The following ZNF286A variants were observed in gnomAD, a reference collection of about 807,000 sequenced individuals.
ZNF286A encodes zinc finger protein 286A.
A neutral mutation model predicts 49.3 loss-of-function variants in ZNF286A; 34 were observed. The observed-to-expected ratio is 0.69, with a 90% confidence interval of 0.52 to 0.92. The LOEUF is 0.92. Among genes scored for constraint, ZNF286A ranks in the 40% least tolerant of loss-of-function variants. The probability of loss-of-function intolerance (pLI) is 0.00; values close to 1 mark genes in which losing one functional copy is unlikely to be tolerated. For synonymous variants in ZNF286A, 155 were observed against 200.4 expected, an observed-to-expected ratio of 0.77 and a Z score of 1.91; for missense variants, 462 against 600.2, an observed-to-expected ratio of 0.77 and a Z score of 2.41.
chr17:15,716,591 C>T lies in ZNF286A; in HGVS notation c.867C>T (p.His289=). ...SFSHRANLTK[H]QRTHTRILFE... is the part of the protein sequence containing the mutation. ...GCCACAGAGCTAATTTAACTAAACA[C>T]CAGAGAACTCATACTAGAATTCTCT... The change falls in exon 6 of 6, where the codon CAC becomes CAT. Residue 289 remains histidine, a synonymous_variant. Transcript: ENST00000583566. 1 of 1,613,974 alleles carries T rather than the reference C, an allele frequency of 6.2e-7. No homozygotes were observed. The highest frequency in any genetic ancestry group is 8.5e-7 in the Non-Finnish European group (1 of 1,179,984).
rs758695730 is a variant in ZNF286A at position 15,706,511 on chromosome 17, G to T, written c.241+10G>T. 6.3e-7 allele frequency: 1 copy of T among 1,579,510 alleles called. No individual in the cohort carries two copies. The highest frequency in any genetic ancestry group is 1.1e-5 in the South Asian group (1 of 87,010). ...AACCTAGTCTCACTTTGTAAGAATGGATTGTGATTCTGGAATCTGCTTATA... is the reference window on the plus strand; with the variant it reads ...AACCTAGTCTCACTTTGTAAGAATGTATTGTGATTCTGGAATCTGCTTATA... On this transcript the variant is annotated intron_variant, in intron 4 of 5. Transcript: ENST00000583566.
chr17:15,707,842 T>G (rs1210966745), intron 4 of ZNF286A, among the ~76,000 whole-genome samples: 1 of 152,068 alleles, frequency 6.6e-6, no homozygotes, highest in East Asian at 1.9e-4. Flanking sequence ...TACAAATAAC[T>G]AAGTCCAGCA....
At chr17:15,703,085 A>G (rs1361276487) in intron 3 of ZNF286A, among the ~76,000 whole-genome samples, 10 of 152,126 alleles carry the variant, frequency 6.6e-5, no homozygotes, top group Non-Finnish European at 2.9e-5. Context: ...ATATTGGCCA[A>G]ATTTAAGTGT....
rs941188962 is a variant in ZNF286A at position 15,720,764 on chromosome 17, T to C, written c.*3474T>C. Reference sequence around the variant, plus strand: ...TTATTGGCTCACTTGTCAATAAAGATGTTTGTATATGTATTGTCAGAAACT... The same window carrying C: ...TTATTGGCTCACTTGTCAATAAAGACGTTTGTATATGTATTGTCAGAAACT... On this transcript the variant is annotated 3_prime_UTR_variant, in exon 6 of 6. Transcript: ENST00000583566. 2.6e-5 allele frequency: 4 copies of C among 152,186 alleles called. No individual in the cohort carries two copies. The highest frequency in any genetic ancestry group is 4.4e-5 in the Non-Finnish European group (3 of 68,042). 9.4% of individuals were successfully genotyped at this position (152,186 alleles called of 1,614,324 possible).
rs549356741 is a variant in ZNF286A at position 15,709,988 on chromosome 17, C to G, written c.334+1741C>G. 144 of 1,428,332 alleles carry G rather than the reference C, an allele frequency of 1.0e-4. 1 individual carries two copies. The East Asian group carries it at 2.5e-3, about 25-fold the overall frequency. The allele number at this position is 1,428,332 out of a possible 1,614,324, so 88.5% of individuals were successfully genotyped here. ...TTAATTTTTGTCAATCTGACGGATG[C>G]AAAATGATGTTTTAAAATTTTCATT... On this transcript the variant is annotated intron_variant, in intron 5 of 5. Transcript: ENST00000583566.
intron 3 of ZNF286A, among the ~76,000 whole-genome samples, chr17:15,702,174 G>T (rs1385050197): frequency 3.3e-5 from 5 of 151,358 alleles, no homozygotes; most frequent in Non-Finnish European, 5.9e-5. Context: ...CTATATCAGT[G>T]ATTATTGCAT....
intron 5 of ZNF286A, chr17:15,709,950 G>A (rs1990533260): frequency 3.4e-6 from 5 of 1,492,170 alleles, no homozygotes; most frequent in Non-Finnish European, 3.6e-6. Context: ...CAACAGTTGA[G>A]TTATCAGACT....
intron 3 of ZNF286A, chr17:15,704,932 G>GC: frequency 6.4e-7 from 1 of 1,554,954 alleles, no homozygotes; most frequent in Non-Finnish European, 8.7e-7. Flanking sequence ...GGTCCCCCCG[G>GC]CCCCCTTCCT....
In ZNF286A at chr17:15,706,388, A is replaced by T. The variant is rs767343911; in HGVS notation, c.128A>T (p.Glu43Val). 2 of 1,612,856 alleles carry T rather than the reference A, an allele frequency of 1.2e-6. No individual in the cohort carries two copies. The highest frequency in any genetic ancestry group is 4.5e-5 in the East Asian group (2 of 44,864). ...AALRLTARSQETVTFKDVAMD... is the reference protein window; with the variant it reads ...AALRLTARSQVTVTFKDVAMD... The stretch of plus-strand genomic sequence containing the variant: ...TGAAAAAAATATTTTATGTTTTAGG[A>T]AACAGTGACATTCAAGGATGTGGCC... Residue 43 changes from glutamate (E) to valine (V), a missense_variant and splice_region_variant, in exon 4 of 6, where the codon GAA becomes GTA. Around this residue, in one of 3 missense-constraint regions of ZNF286A, gnomAD observed 259 missense variants for 272.2 expected, o/e 0.95. Transcript: ENST00000583566.
chr17:15,704,857 A>G, intron 3 of ZNF286A: 1 of 1,612,520 alleles, frequency 6.2e-7, no homozygotes, highest in Non-Finnish European at 8.5e-7. Context: ...CTTGTACACC[A>G]GGCGGATGAT....
chr17:15,712,531 T>G (rs1450192587), intron 5 of ZNF286A, among the ~76,000 whole-genome samples: 1 of 152,268 alleles, frequency 6.6e-6, no homozygotes, highest in African/African-American at 2.4e-5. Context: ...ATTGTTTTAA[T>G]GGTACTTACT....
Position 15,704,925 on chromosome 17 carries a change from C to G in ZNF286A, c.127-1462C>G, listed in dbSNP as rs1597710548. 4.7e-6 allele frequency: 7 copies of G among 1,477,232 alleles called. No homozygotes were observed. In the Middle Eastern group the frequency reaches 9.5e-4, roughly 200 times the overall value. The allele number at this position is 1,477,232 out of a possible 1,614,324, so 91.5% of individuals were successfully genotyped here. A position where few individuals can be genotyped will look rare whatever the true frequency, so the allele number is the denominator to read the frequency against. ...TGGCTGCGGCCGGCCGGGGGCGGGT[C>G]CCCCCGGCCCCCTTCCTGCGTTCTT... On this transcript the variant is annotated intron_variant, in intron 3 of 5. Coordinates refer to ENST00000583566, the MANE Select transcript of ZNF286A (RefSeq NM_001130842.2).
rs761425980 is a variant in ZNF286A at position 15,708,228 on chromosome 17, C to T, written c.315C>T (p.Ala105=). 3 of 1,588,436 alleles carry T rather than the reference C, an allele frequency of 1.9e-6. No homozygotes were observed. The South Asian group carries it at 3.4e-5, about 18-fold the overall frequency. ...AACCATTGAAGCTTGAGAGAAAAGCCCCCAAAAGCAGCTATTCAGGTGAGC... is the reference window on the plus strand; with the variant it reads ...AACCATTGAAGCTTGAGAGAAAAGCTCCCAAAAGCAGCTATTCAGGTGAGC... The part of the protein sequence containing the change: ...GKEPLKLERK[A]PKSSYSDMET... Residue 105 remains alanine (A), a synonymous_variant, in exon 5 of 6, where the codon GCC becomes GCT. Coordinates refer to ENST00000583566, the MANE Select transcript of ZNF286A (RefSeq NM_001130842.2).
At chr17:15,703,177 A>G (rs1193211808) in intron 3 of ZNF286A, among the ~76,000 whole-genome samples, 4 of 152,222 alleles carry the variant, frequency 2.6e-5, no homozygotes, top group Non-Finnish European at 5.9e-5. Context: ...TGAATCAGAG[A>G]TGGCGTCAGT....
Position 15,718,265 on chromosome 17 carries a change from C to G in ZNF286A, c.*975C>G, listed in dbSNP as rs1380502681. Reference sequence around the variant, plus strand: ...ATTGATTTATGTCATTGTTATCCCTCTACCGCGGAGACCTTCTTTCATTTT... The same window carrying G: ...ATTGATTTATGTCATTGTTATCCCTGTACCGCGGAGACCTTCTTTCATTTT... On this transcript the variant is annotated 3_prime_UTR_variant, in exon 6 of 6. Coordinates refer to ENST00000583566, the MANE Select transcript of ZNF286A (RefSeq NM_001130842.2). 2 of 151,202 alleles carry G rather than the reference C, an allele frequency of 1.3e-5. No individual in the cohort carries two copies. The highest frequency in any genetic ancestry group is 4.9e-5 in the African/African-American group (2 of 41,002). 9.4% of individuals were successfully genotyped at this position (151,202 alleles called of 1,614,324 possible).
chr17:15,717,165 C>G lies in ZNF286A; in HGVS notation c.1441C>G (p.Leu481Val). The G allele has an allele frequency of 1.9e-6, 3 of 1,610,382 alleles. No homozygotes were observed. Among genetic ancestry groups the G allele is most frequent in the Non-Finnish European group, 2.5e-6 (3 of 1,178,302 alleles). ...AAAAGCCTTCATTCATTCATCAGCT[C>G]TCATTCAACATCAGAGAACTCATAC... ...CGKAFIHSSA[L>V]IQHQRTHTGE... Residue 481 changes from leucine (L) to valine (V), a missense_variant, in exon 6 of 6, where the codon CTC (leucine) becomes GTC (valine). This residue lies in a region of ZNF286A where 201 missense variants were observed against 311.3 expected (regional missense o/e 0.65). Transcript: ENST00000583566.
At chr17:15,709,585 C>T (rs747320282) in intron 5 of ZNF286A, among the ~76,000 whole-genome samples, 13 of 152,044 alleles carry the variant, frequency 8.6e-5, no homozygotes, top group African/African-American at 1.4e-4. Context: ...TGAATCATTT[C>T]GGTGTTTTTG....
In ZNF286A at chr17:15,720,060, T is replaced by C. The variant is rs1967295773; in HGVS notation, c.*2770T>C. ...GAAGACCAACATGGGCTTTCCAAAG[T>C]TGAGTTTGAATTCTGCCATCCCCAC... On this transcript the variant is annotated 3_prime_UTR_variant, in exon 6 of 6. Transcript: ENST00000583566. 6.6e-6 allele frequency: 1 copy of C among 152,160 alleles called. No homozygotes were observed. The highest frequency in any genetic ancestry group is 2.4e-5 in the African/African-American group (1 of 41,434). The allele number at this position is 152,160 out of a possible 1,614,324, so 9.4% of individuals were successfully genotyped here.
At chr17:15,707,333 G>C (rs954461432) in intron 4 of ZNF286A, among the ~76,000 whole-genome samples, 1 of 151,912 alleles carries the variant, frequency 6.6e-6, no homozygotes, top group African/African-American at 2.4e-5. Flanking sequence ...CCAGCTACTC[G>C]GGAGGCTGAG....
Sources: allele counts gnomAD v4.1 joint callset (sites outside exome capture counted in the v4.1 genomes callset), GRCh38; gene constraint gnomAD v4.1.1; regional missense constraint gnomAD v4.1.1; transcripts MANE v1.5; gene names NCBI Gene and HGNC (gene_info 2026-07-23, HGNC 2026-07-21).